The following PTPRD variants were observed in gnomAD, a reference collection of about 807,000 sequenced individuals.
The protein encoded by PTPRD is protein tyrosine phosphatase receptor type D.
In PTPRD, 34 loss-of-function variants were observed where a neutral mutation model predicts 214.5. The observed-to-expected ratio is 0.16, with a 90% CI of 0.12 to 0.21. PTPRD has a LOEUF of 0.21. Ranked by LOEUF, PTPRD falls within the 10% of genes least tolerant of loss-of-function variation. The pLI is 1.00. For missense variants in PTPRD, 2,545 were observed against 2,398.7 expected (o/e 1.06, Z -1.27); for synonymous variants, 1,128 against 845.7 (o/e 1.33, Z -5.79).
intron 2 of PTPRD, among the ~76,000 whole-genome samples, chr9:10,581,820 G>T (rs554077232): frequency 9.9e-5 from 15 of 152,168 alleles, no homozygotes; most frequent in African/African-American, 3.6e-4. Flanking sequence ...AGATACTTAA[G>T]TTCTCCACAG....
chr9:10,595,342 T>G (rs1004346624), intron 2 of PTPRD, among the ~76,000 whole-genome samples: 2 of 151,860 alleles, frequency 1.3e-5, no homozygotes, highest in African/African-American at 4.8e-5. Context: ...TACAACTAAT[T>G]GAATAGCTTT....
intron 4 of PTPRD, among the ~76,000 whole-genome samples, chr9:10,026,531 G>T (rs758616404): frequency 3.0e-4 from 45 of 152,100 alleles, no homozygotes; most frequent in South Asian, 6.2e-4. Context: ...GACAACGATG[G>T]ACAAAAAATA....
At chr9:9,776,695 A>G (rs1256171843) in intron 5 of PTPRD, among the ~76,000 whole-genome samples, 1 of 152,248 alleles carries the variant, frequency 6.6e-6, no homozygotes, top group African/African-American at 2.4e-5. Flanking sequence ...AAATGAAGAT[A>G]GTGACTTTTA....
intron 11 of PTPRD, among the ~76,000 whole-genome samples, chr9:8,955,015 A>T (rs1457634210): frequency 6.6e-6 from 1 of 151,880 alleles, no homozygotes; most frequent in African/African-American, 2.4e-5. Flanking sequence ...TTTTAAAATG[A>T]TATTGAAAAA....
intron 10 of PTPRD, among the ~76,000 whole-genome samples, chr9:9,150,595 C>G (rs981023468): frequency 1.3e-5 from 2 of 151,424 alleles, no homozygotes; most frequent in Non-Finnish European, 2.9e-5. Context: ...TCAAGTGATT[C>G]TCCTGCCTCA....
intron 9 of PTPRD, among the ~76,000 whole-genome samples, chr9:9,373,979 G>C (rs766102064): frequency 6.6e-6 from 1 of 151,238 alleles, no homozygotes; most frequent in African/African-American, 2.4e-5. Context: ...TTTGGCTTAC[G>C]GTAGCTTTCA....
intron 5 of PTPRD, among the ~76,000 whole-genome samples, chr9:9,872,692 C>T (rs191795676): frequency 1.3e-5 from 2 of 152,058 alleles, no homozygotes; most frequent in African/African-American, 4.8e-5. Flanking sequence ...TAGCACAGTG[C>T]CTGGTACCTT....
chr9:10,583,024 C>A (rs561726681), intron 2 of PTPRD, among the ~76,000 whole-genome samples: 1 of 152,200 alleles, frequency 6.6e-6, no homozygotes. Flanking sequence ...ATAATTCAGT[C>A]CAGCAAGTAT....
At chr9:8,632,320 A>C (rs998399596) in intron 14 of PTPRD, among the ~76,000 whole-genome samples, 14 of 151,956 alleles carry the variant, frequency 9.2e-5, no homozygotes, top group African/African-American at 3.4e-4. Context: ...AAAGATATAA[A>C]GTAAAACCAT....
At chr9:10,326,174 G>A (rs898623214) in intron 3 of PTPRD, among the ~76,000 whole-genome samples, 1 of 151,622 alleles carries the variant, frequency 6.6e-6, no homozygotes, top group Admixed American at 6.6e-5. Context: ...AAAAATTTTA[G>A]TTTTAATAAG....
intron 11 of PTPRD, among the ~76,000 whole-genome samples, chr9:8,924,600 C>G (rs952150253): frequency 1.4e-4 from 21 of 152,218 alleles, no homozygotes; most frequent in African/African-American, 4.1e-4. Flanking sequence ...CCTCACCTCC[C>G]TAGACAGATG....
At chr9:9,695,889 G>C (rs879751251) in intron 7 of PTPRD, among the ~76,000 whole-genome samples, 6 of 152,066 alleles carry the variant, frequency 3.9e-5, no homozygotes, top group Non-Finnish European at 8.8e-5. Context: ...TCTGGGTTTG[G>C]TATCAGGGTA....
chr9:9,441,516 T>C (rs1427601797), intron 8 of PTPRD, among the ~76,000 whole-genome samples: 1 of 152,110 alleles, frequency 6.6e-6, no homozygotes, highest in Admixed American at 6.5e-5. Context: ...AAGGTGATGA[T>C]GGAGGGAGAA....
intron 5 of PTPRD, among the ~76,000 whole-genome samples, chr9:9,784,512 A>C (rs780995462): frequency 6.6e-6 from 1 of 151,992 alleles, no homozygotes; most frequent in African/African-American, 2.4e-5. Flanking sequence ...TTCCTGTTTC[A>C]CAAATTTCCT....
At chr9:8,919,570 T>A (rs78648307) in intron 11 of PTPRD, among the ~76,000 whole-genome samples, 2,243 of 152,300 alleles carry the variant, frequency 0.015, 72 homozygotes, top group African/African-American at 0.051. Flanking sequence ...TTGTGTGCAC[T>A]GAGAATGCTG....
At chr9:9,296,643 T>G (rs778620072) in intron 9 of PTPRD, among the ~76,000 whole-genome samples, 1 of 151,678 alleles carries the variant, frequency 6.6e-6, no homozygotes, top group Non-Finnish European at 1.5e-5. Context: ...CTCCTGGGAT[T>G]TATGCCTATG....
intron 11 of PTPRD, among the ~76,000 whole-genome samples, chr9:8,808,579 CT>C (rs1301557890): frequency 6.6e-6 from 1 of 150,380 alleles, no homozygotes; most frequent in Non-Finnish European, 1.5e-5. Flanking sequence ...CTGGTTAATC[CT>C]GGCCCACTGT....
At chr9:10,319,441 G>A (rs1448685204) in intron 3 of PTPRD, among the ~76,000 whole-genome samples, 1 of 151,942 alleles carries the variant, frequency 6.6e-6, no homozygotes, top group Non-Finnish European at 1.5e-5. Context: ...AGCTTCTGTG[G>A]GTGCTCTCTA....
At chr9:8,738,611 G>A (rs1174284675) in intron 11 of PTPRD, among the ~76,000 whole-genome samples, 6 of 151,218 alleles carry the variant, frequency 4.0e-5, no homozygotes, top group African/African-American at 1.5e-4. Context: ...AGGGAAATCT[G>A]AGTGACAAAA....
Sources: allele counts gnomAD v4.1 joint callset (sites outside exome capture counted in the v4.1 genomes callset), GRCh38; gene constraint gnomAD v4.1.1; transcripts MANE v1.5; gene names NCBI Gene and HGNC (gene_info 2026-07-23, HGNC 2026-07-21).